PTPRD: variants seen among roughly 807,000 people sequenced by gnomAD.
PTPRD encodes receptor-type tyrosine-protein phosphatase delta.
PTPRD carries 34 observed loss-of-function variants against 214.5 expected under a neutral mutation model. The ratio of observed to expected loss-of-function variants is 0.16; its 90% CI spans 0.12 to 0.21. The LOEUF (loss-of-function observed/expected upper bound fraction) is 0.21, where lower values mean the gene tolerates loss of function less well. PTPRD is among the 10% of genes least tolerant of loss of function. The pLI is 1.00. For synonymous variants in PTPRD, 1,128 were observed against 845.7 expected, an observed-to-expected ratio of 1.33 and a Z score of -5.79; for missense variants, 2,545 against 2,398.7, an observed-to-expected ratio of 1.06 and a Z score of -1.27.
At position 9,982,873 on chromosome 9, in the gene PTPRD, G is replaced by T. The variant is rs575002028; in HGVS notation, c.-471-44263C>A. ...TTCAGCTTCCTCACAAATCAAGCCT[G>T]ATAATGATTCATGTGCTAAACACTG... On this transcript the variant is annotated intron_variant, in intron 4 of 45. Coordinates refer to ENST00000381196, the MANE Select transcript of PTPRD (RefSeq NM_002839.4). Among the ~76,000 whole-genome samples, 3 of 152,212 alleles carry T rather than the reference G, an allele frequency of 2.0e-5. No homozygotes were observed. In the East Asian group the frequency reaches 5.8e-4, roughly 29 times the overall value.
intron 4 of PTPRD, among the ~76,000 whole-genome samples, chr9:9,947,594 ATAATATATATATT>A (rs1566625149): frequency 1.1e-4 from 5 of 47,014 alleles, no homozygotes; most frequent in Middle Eastern, 0.012. Flanking sequence ...TATTATATAT[ATAATATATATATT>A]TTATATATAT....
chr9:9,642,564 C>G (rs1039978923), intron 7 of PTPRD, among the ~76,000 whole-genome samples: 2 of 152,002 alleles, frequency 1.3e-5, no homozygotes, highest in Non-Finnish European at 2.9e-5. Context: ...TAACTGTTTG[C>G]AGATATGAAA....
chr9:9,905,420 T>C (rs2077322829), intron 5 of PTPRD, among the ~76,000 whole-genome samples: 1 of 151,996 alleles, frequency 6.6e-6, no homozygotes, highest in African/African-American at 2.4e-5. Flanking sequence ...AACAACTATA[T>C]TGTCACATAT....
chr9:9,623,369 T>C (rs970231454), intron 7 of PTPRD, among the ~76,000 whole-genome samples: 3 of 152,172 alleles, frequency 2.0e-5, no homozygotes, highest in African/African-American at 7.2e-5. Context: ...TATCTCAAAA[T>C]GATGTTTTCA....
intron 11 of PTPRD, among the ~76,000 whole-genome samples, chr9:8,964,796 T>C (rs1363021613): frequency 6.6e-6 from 1 of 152,172 alleles, no homozygotes; most frequent in Non-Finnish European, 1.5e-5. Context: ...TCTACCTTGA[T>C]TTCATTGTTT....
chr9:8,371,328 T>C (rs927698891), intron 39 of PTPRD, among the ~76,000 whole-genome samples: 1 of 152,080 alleles, frequency 6.6e-6, no homozygotes, highest in African/African-American at 2.4e-5. Context: ...CCATATGTAA[T>C]TCAACAAACT....
chr9:9,841,099 G>A (rs570149794), intron 5 of PTPRD, among the ~76,000 whole-genome samples: 1 of 152,188 alleles, frequency 6.6e-6, no homozygotes, highest in South Asian at 2.1e-4. Flanking sequence ...TATTTTTCTT[G>A]TTAAATTTGA....
intron 5 of PTPRD, among the ~76,000 whole-genome samples, chr9:9,824,721 A>G (rs1470697188): frequency 6.6e-6 from 1 of 152,048 alleles, no homozygotes; most frequent in Non-Finnish European, 1.5e-5. Context: ...TAAACAGGTA[A>G]TAACTTTCTC....
chr9:9,665,136 G>T (rs886465727), intron 7 of PTPRD, among the ~76,000 whole-genome samples: 1 of 151,502 alleles, frequency 6.6e-6, no homozygotes, highest in Non-Finnish European at 1.5e-5. Context: ...GAGAGAGAGG[G>T]GTGAGGAATA....
chr9:10,082,683 T>C (rs1800854079), intron 3 of PTPRD, among the ~76,000 whole-genome samples: 1 of 151,824 alleles, frequency 6.6e-6, no homozygotes. Flanking sequence ...CTTAAATACA[T>C]GAACTTAAGA....
chr9:9,229,215 T>C (rs1471434193), intron 9 of PTPRD, among the ~76,000 whole-genome samples: 1 of 152,186 alleles, frequency 6.6e-6, no homozygotes, highest in Non-Finnish European at 1.5e-5. Context: ...ATTATCCTTC[T>C]ATTCTTAAAA....
chr9:10,282,537 A>G (rs1339808515), intron 3 of PTPRD, among the ~76,000 whole-genome samples: 2 of 152,134 alleles, frequency 1.3e-5, no homozygotes, highest in African/African-American at 2.4e-5. Context: ...GAAATTTCCA[A>G]TTTAAATGAT....
intron 3 of PTPRD, among the ~76,000 whole-genome samples, chr9:10,173,881 A>G (rs975104314): frequency 1.3e-5 from 2 of 151,974 alleles, no homozygotes; most frequent in African/African-American, 4.8e-5. Flanking sequence ...TGAATGTTAA[A>G]TTTTAGATAG....
At chr9:9,987,939 G>C (rs2154075076) in intron 4 of PTPRD, among the ~76,000 whole-genome samples, 1 of 152,150 alleles carries the variant, frequency 6.6e-6, no homozygotes, top group Admixed American at 6.5e-5. Flanking sequence ...GGCAGGTTTA[G>C]GGTAATATTA....
chr9:9,191,921 T>C (rs919040246), intron 9 of PTPRD, among the ~76,000 whole-genome samples: 3 of 152,094 alleles, frequency 2.0e-5, no homozygotes, highest in Admixed American at 2.0e-4. Context: ...GAAAATTTGA[T>C]TTGCCCATTA....
intron 3 of PTPRD, among the ~76,000 whole-genome samples, chr9:10,228,154 T>G (rs897204812): frequency 6.6e-6 from 1 of 151,508 alleles, no homozygotes; most frequent in African/African-American, 2.4e-5. Flanking sequence ...ATACTTCATT[T>G]CCAATAAAAT....
chr9:9,985,577 C>T (rs1312380448), intron 4 of PTPRD, among the ~76,000 whole-genome samples: 2 of 152,060 alleles, frequency 1.3e-5, no homozygotes, highest in African/African-American at 2.4e-5. Flanking sequence ...AAGACTTATT[C>T]ATAATCCAAA....
At chr9:10,181,599 A>G (rs550721893) in intron 3 of PTPRD, among the ~76,000 whole-genome samples, 15 of 152,204 alleles carry the variant, frequency 9.9e-5, no homozygotes, top group African/African-American at 3.6e-4. Flanking sequence ...GCAAAAATAG[A>G]GAACTGATTC....
At chr9:9,504,763 T>C (rs999563012) in intron 8 of PTPRD, among the ~76,000 whole-genome samples, 5 of 151,646 alleles carry the variant, frequency 3.3e-5, no homozygotes, top group Non-Finnish European at 7.4e-5. Context: ...CCTAAAGGTG[T>C]AACAAAAACC....
Sources: gnomAD v4.1 joint callset for allele counts (sites outside exome capture counted in the v4.1 genomes callset) on GRCh38, gnomAD v4.1.1 for gene constraint, MANE v1.5 for transcripts, NCBI Gene and HGNC (gene_info 2026-07-23, HGNC 2026-07-21) for gene names.